The following SEMA3D variants were observed in gnomAD, a reference collection of about 807,000 sequenced individuals.
The protein encoded by SEMA3D is semaphorin 3D, also known as semaphorin-3D.
SEMA3D carries 84 observed loss-of-function variants against 100.1 expected under a neutral mutation model. The ratio of observed to expected loss-of-function variants is 0.84; its 90% CI spans 0.70 to 1.01. The LOEUF (loss-of-function observed/expected upper bound fraction) is 1.01. Among genes scored for constraint, SEMA3D ranks in the 50% least tolerant of loss-of-function variants. The probability of loss-of-function intolerance (pLI) is 0.00; values close to 1 mark genes in which losing one functional copy is unlikely to be tolerated. For synonymous variants in SEMA3D, 312 were observed against 320.7 expected (o/e 0.97, Z 0.29); for missense variants, 875 against 934.1 (o/e 0.94, Z 0.82).
intron 3 of SEMA3D, among the ~76,000 whole-genome samples, chr7:85,117,829 A>T (rs1473793709): frequency 1.3e-5 from 2 of 151,464 alleles, no homozygotes; most frequent in Non-Finnish European, 2.9e-5. Flanking sequence ...CCATATATAT[A>T]GATACTATAT....
intron 12 of SEMA3D, among the ~76,000 whole-genome samples, chr7:85,025,047 G>C (rs1174544056): frequency 6.6e-6 from 1 of 151,932 alleles, no homozygotes; most frequent in Non-Finnish European, 1.5e-5. Flanking sequence ...TTCTCCTATG[G>C]CAGCTATACA....
intron 1 of SEMA3D, among the ~76,000 whole-genome samples, chr7:85,159,628 AT>A (rs1440238453): frequency 1.3e-5 from 2 of 152,186 alleles, no homozygotes; most frequent in Non-Finnish European, 2.9e-5. Flanking sequence ...TTATCCAAAA[AT>A]TTATTATGGC....
At chr7:85,088,805 A>G (rs760365551) in intron 4 of SEMA3D, among the ~76,000 whole-genome samples, 6 of 152,180 alleles carry the variant, frequency 3.9e-5, no homozygotes, top group African/African-American at 9.6e-5. Flanking sequence ...GCTTCAATAC[A>G]GAAGATGGAG....
chr7:85,225,132 AAT>A, the SEMA3D span, among the ~76,000 whole-genome samples: 5 of 127,126 alleles, frequency 3.9e-5, no homozygotes, highest in South Asian at 2.6e-4. Flanking sequence ...ATATATAATA[AAT>A]ATATATATAA....
Position 85,068,243 on chromosome 7 carries a change from G to C in SEMA3D, c.537C>G (p.Gly179=), listed in dbSNP as rs1451206903. ...FKLDTHNLES[G]RLKCPFDPQQ... Reference sequence around the variant, plus strand: ...GAGGATCGAAAGGACATTTCAGTCTGCCAGACTCCAAATTATGTGTGTCTA... The same window carrying C: ...GAGGATCGAAAGGACATTTCAGTCTCCCAGACTCCAAATTATGTGTGTCTA... Residue 179 remains glycine, a synonymous_variant, in exon 7 of 19, where the codon GGC becomes GGG. Coordinates refer to ENST00000284136, the MANE Select transcript of SEMA3D (RefSeq NM_001384900.1). 6.2e-7 allele frequency: 1 copy of C among 1,607,544 alleles called. No individual in the cohort carries two copies. Among genetic ancestry groups the C allele is most frequent in the Non-Finnish European group, 8.5e-7 (1 of 1,174,242 alleles).
intron 3 of SEMA3D, among the ~76,000 whole-genome samples, chr7:85,117,696 T>C (rs1203842861): frequency 4.6e-5 from 7 of 151,866 alleles, no homozygotes; most frequent in African/African-American, 1.7e-4. Flanking sequence ...TTACTTGAGC[T>C]TAGGAGGCCG....
chr7:85,219,104 T>C, the SEMA3D span, among the ~76,000 whole-genome samples: 1 of 152,052 alleles, frequency 6.6e-6, no homozygotes, highest in East Asian at 1.9e-4. Context: ...CAGCAAACAA[T>C]GGGTGTACAG....
At chr7:85,140,574 T>C (rs1790017356) in intron 2 of SEMA3D, 1 of 930,764 alleles carries the variant, frequency 1.1e-6, no homozygotes, top group African/African-American at 1.8e-5. Context: ...AGCAGAGTTT[T>C]ATCTATATCT....
chr7:85,204,466 G>C, the SEMA3D span, among the ~76,000 whole-genome samples: 12 of 152,076 alleles, frequency 7.9e-5, no homozygotes, highest in East Asian at 2.1e-3. Context: ...CTGGCAGTTA[G>C]TCCTCCAGGC....
chr7:85,067,843 T>C (rs1274531387), intron 7 of SEMA3D, among the ~76,000 whole-genome samples: 2 of 152,214 alleles, frequency 1.3e-5, no homozygotes, highest in Non-Finnish European at 2.9e-5. Flanking sequence ...AATTGCCAAA[T>C]TTAATTTCTA....
intron 4 of SEMA3D, among the ~76,000 whole-genome samples, chr7:85,088,034 A>AT (rs1489260924): frequency 1.3e-5 from 2 of 152,096 alleles, no homozygotes; most frequent in East Asian, 3.9e-4. Context: ...ATTTATATTG[A>AT]TTTTATTTAC....
At chr7:85,006,342 G>A (rs534995582) in intron 18 of SEMA3D, among the ~76,000 whole-genome samples, 16 of 152,032 alleles carry the variant, frequency 1.1e-4, no homozygotes, top group African/African-American at 3.6e-4. Flanking sequence ...AGTTTAACAT[G>A]TCTGGATACT....
intron 1 of SEMA3D, among the ~76,000 whole-genome samples, chr7:85,177,577 T>C (rs1288663788): frequency 6.6e-6 from 1 of 152,166 alleles, no homozygotes; most frequent in African/African-American, 2.4e-5. Flanking sequence ...ATGTAAAAAA[T>C]GCACATATTT....
At chr7:85,222,744 C>A in the SEMA3D span, among the ~76,000 whole-genome samples, 1 of 152,004 alleles carries the variant, frequency 6.6e-6, no homozygotes, top group Non-Finnish European at 1.5e-5. Context: ...AGAATGCGAC[C>A]CTCAGCCAGG....
At chr7:85,212,839 C>G in the SEMA3D span, among the ~76,000 whole-genome samples, 1 of 151,762 alleles carries the variant, frequency 6.6e-6, no homozygotes, top group South Asian at 2.1e-4. Flanking sequence ...CAGTTTTATG[C>G]CAAATGATTA....
At chr7:85,128,884 CTTTT>C (rs5885451) in intron 2 of SEMA3D, among the ~76,000 whole-genome samples, 5 of 89,506 alleles carry the variant, frequency 5.6e-5, no homozygotes, top group African/African-American at 1.8e-4. Context: ...TATTTTTTTC[CTTTT>C]TTTTTTTTTT....
chr7:85,131,106 T>G (rs2116433792), intron 2 of SEMA3D, among the ~76,000 whole-genome samples: 1 of 152,242 alleles, frequency 6.6e-6, no homozygotes, highest in South Asian at 2.1e-4. Flanking sequence ...TGTCTTAATT[T>G]TCTATTAAAA....
the SEMA3D span, among the ~76,000 whole-genome samples, chr7:85,198,637 G>A: frequency 2.6e-5 from 4 of 151,550 alleles, no homozygotes; most frequent in South Asian, 2.1e-4. Flanking sequence ...GTCACTTAAT[G>A]TTTTAATTTT....
At chr7:85,086,962 G>A (rs1788235144) in intron 4 of SEMA3D, among the ~76,000 whole-genome samples, 1 of 151,992 alleles carries the variant, frequency 6.6e-6, no homozygotes, top group South Asian at 2.1e-4. Flanking sequence ...CAGCCCTCAG[G>A]ATCAATAGTT....
Sources: gnomAD v4.1 joint callset for allele counts (sites outside exome capture counted in the v4.1 genomes callset) on GRCh38, gnomAD v4.1.1 for gene constraint, MANE v1.5 for transcripts, NCBI Gene and HGNC (gene_info 2026-07-23, HGNC 2026-07-21) for gene names.